ARFIP1: variants seen among roughly 807,000 people sequenced by gnomAD.
ARFIP1 encodes arfaptin-1.
ARFIP1 carries 24 observed loss-of-function variants against 42.5 expected under a neutral mutation model. The ratio of observed to expected loss-of-function variants is 0.57; its 90% CI spans 0.41 to 0.80. The LOEUF is 0.80. ARFIP1 is among the 30% of genes least tolerant of loss of function. ARFIP1 has a pLI of 0.00. For missense variants in ARFIP1, 354 were observed against 434.0 expected (o/e 0.82, Z 1.64); for synonymous variants, 141 against 153.7 (o/e 0.92, Z 0.61).
chr4:152,900,494 A>G (rs1737736588), intron 8 of ARFIP1, among the ~76,000 whole-genome samples: 1 of 151,918 alleles, frequency 6.6e-6, no homozygotes, highest in Non-Finnish European at 1.5e-5. Flanking sequence ...CTATTTTTCT[A>G]CCCCACTTGT....
intron 8 of ARFIP1, among the ~76,000 whole-genome samples, chr4:152,892,097 G>A (rs1177495225): frequency 6.6e-6 from 1 of 151,848 alleles, no homozygotes; most frequent in Non-Finnish European, 1.5e-5. Context: ...TAAAGATACT[G>A]GCTCTCACTA....
intron 8 of ARFIP1, 40 bp from the exon 9 acceptor site, chr4:152,910,024 G>C (rs780423224): frequency 1.9e-6 from 3 of 1,592,338 alleles, no homozygotes; most frequent in Non-Finnish European, 2.6e-6. Flanking sequence ...TATTGTTATT[G>C]GTGTTAATGC....
At chr4:152,890,353 TATAA>T (rs548484955) in intron 8 of ARFIP1, among the ~76,000 whole-genome samples, 145 of 152,308 alleles carry the variant, frequency 9.5e-4, no homozygotes, top group Non-Finnish European at 1.3e-3. Context: ...AGGTCGTCTC[TATAA>T]ATTTTAAATG....
chr4:152,835,215 A>G (rs1731556321), intron 2 of ARFIP1, among the ~76,000 whole-genome samples: 1 of 152,162 alleles, frequency 6.6e-6, no homozygotes, highest in Non-Finnish European at 1.5e-5. Flanking sequence ...CAAATTTTCC[A>G]AACTTTTATG....
intron 7 of ARFIP1, among the ~76,000 whole-genome samples, chr4:152,883,795 C>G (rs1736047714): frequency 6.6e-6 from 1 of 151,598 alleles, no homozygotes; most frequent in South Asian, 2.1e-4. Flanking sequence ...CCCATATGCC[C>G]TACCCCTTTT....
intron 2 of ARFIP1, among the ~76,000 whole-genome samples, chr4:152,836,951 C>T (rs1018299328): frequency 9.2e-5 from 14 of 151,794 alleles, no homozygotes; most frequent in African/African-American, 3.4e-4. Context: ...CCCCCCAAAC[C>T]ACTAAAGTCC....
At chr4:152,871,953 A>T (rs1734919464) in intron 4 of ARFIP1, among the ~76,000 whole-genome samples, 1 of 152,082 alleles carries the variant, frequency 6.6e-6, no homozygotes, top group African/African-American at 2.4e-5. Flanking sequence ...TTTGAATTGA[A>T]CTACTGTATG....
chr4:152,899,941 TG>T (rs2149908325), intron 8 of ARFIP1, among the ~76,000 whole-genome samples: 1 of 152,220 alleles, frequency 6.6e-6, no homozygotes, highest in East Asian at 1.9e-4. Flanking sequence ...ACAGCCAGAC[TG>T]GGATTCAAAT....
intron 1 of ARFIP1, among the ~76,000 whole-genome samples, chr4:152,804,158 ATATATAATATAACATGTATTATATATT>A: frequency 8.3e-6 from 1 of 119,910 alleles, no homozygotes; most frequent in African/African-American, 3.4e-5. Context: ...ATTATATATT[ATATATAATATAACATGTATTATATATT>A]ATATATAATA....
intron 1 of ARFIP1, among the ~76,000 whole-genome samples, chr4:152,785,602 A>C (rs1011961683): frequency 6.6e-6 from 1 of 152,230 alleles, no homozygotes; most frequent in Non-Finnish European, 1.5e-5. Flanking sequence ...TGCATCCAGC[A>C]TAAGTATTAT....
chr4:152,831,009 TAG>T (rs1225702911), intron 2 of ARFIP1, among the ~76,000 whole-genome samples: 1 of 152,210 alleles, frequency 6.6e-6, no homozygotes, highest in African/African-American at 2.4e-5. Flanking sequence ...TGGTCCAATA[TAG>T]AGTGACTCAT....
Position 152,863,743 on chromosome 4 carries a change from C to T in ARFIP1, c.202+29C>T, listed in dbSNP as rs534134939. 32 of 1,456,764 alleles carry T rather than the reference C, an allele frequency of 2.2e-5. No homozygotes were observed. The South Asian group carries it at 3.5e-4, about 16-fold the overall frequency. The allele number at this position is 1,456,764 out of a possible 1,614,324, so 90.2% of individuals were successfully genotyped here. On this transcript the variant is annotated intron_variant, in intron 3 of 8. Coordinates refer to ENST00000353617, the MANE Select transcript of ARFIP1 (RefSeq NM_001025595.3). ...AGAGCCCATATATTTGTAAAGATGG[C>T]TGGGATAGAGGATGGGAGAAGTTCA...
At chr4:152,792,268 G>A (rs1028395337) in intron 1 of ARFIP1, among the ~76,000 whole-genome samples, 11 of 152,136 alleles carry the variant, frequency 7.2e-5, no homozygotes, top group Non-Finnish European at 1.5e-5. Context: ...TTTTACTAAA[G>A]TACCTTTAGA....
chr4:152,899,293 T>TG (rs1737619188), intron 8 of ARFIP1, among the ~76,000 whole-genome samples: 1 of 152,152 alleles, frequency 6.6e-6, no homozygotes, highest in Non-Finnish European at 1.5e-5. Context: ...AAAACATTGG[T>TG]GGGATCCCCT....
At chr4:152,835,789 C>T (rs1731600611) in intron 2 of ARFIP1, among the ~76,000 whole-genome samples, 1 of 152,190 alleles carries the variant, frequency 6.6e-6, no homozygotes, top group Non-Finnish European at 1.5e-5. Context: ...TTATTTGGCT[C>T]ACAGTTCTGC....
intron 1 of ARFIP1, among the ~76,000 whole-genome samples, chr4:152,784,032 A>G (rs759320490): frequency 6.6e-6 from 1 of 152,234 alleles, no homozygotes; most frequent in Non-Finnish European, 1.5e-5. Flanking sequence ...AAATTTTAGA[A>G]TAATACATTT....
At chr4:152,853,451 C>T (rs1328329442) in intron 2 of ARFIP1, among the ~76,000 whole-genome samples, 1 of 152,182 alleles carries the variant, frequency 6.6e-6, no homozygotes, top group Admixed American at 6.5e-5. Flanking sequence ...CTTGGCTGGA[C>T]AGTTTTTTTC....
At chr4:152,803,876 A>G (rs533019778) in intron 1 of ARFIP1, among the ~76,000 whole-genome samples, 9 of 150,540 alleles carry the variant, frequency 6.0e-5, no homozygotes, top group Middle Eastern at 3.4e-3. Flanking sequence ...GCTCATGATA[A>G]TATGGAGATA....
chr4:152,830,713 G>C (rs79014971), intron 2 of ARFIP1, among the ~76,000 whole-genome samples: 2,415 of 152,212 alleles, frequency 0.016, 61 homozygotes, highest in African/African-American at 0.055. Flanking sequence ...TTGTAGGATG[G>C]TTGGCACATT....
Sources: allele counts gnomAD v4.1 joint callset (sites outside exome capture counted in the v4.1 genomes callset), GRCh38; gene constraint gnomAD v4.1.1; transcripts MANE v1.5; gene names NCBI Gene and HGNC (gene_info 2026-07-23, HGNC 2026-07-21).